HDAC9: variants seen among roughly 807,000 people sequenced by gnomAD.
The protein encoded by HDAC9 is histone deacetylase 9.
In HDAC9, 41 loss-of-function variants were observed where a neutral mutation model predicts 139.4. The ratio of observed to expected loss-of-function variants is 0.29; its 90% CI spans 0.23 to 0.38. The LOEUF (loss-of-function observed/expected upper bound fraction) is 0.38. HDAC9 is among the 10% of genes least tolerant of loss of function. The probability of loss-of-function intolerance (pLI) is 1.00; values close to 1 mark genes in which losing one functional copy is unlikely to be tolerated. For synonymous variants in HDAC9, 517 were observed against 476.2 expected, an observed-to-expected ratio of 1.09 and a Z score of -1.12; for missense variants, 1,147 against 1,297.0, an observed-to-expected ratio of 0.88 and a Z score of 1.78.
intron 2 of HDAC9, among the ~76,000 whole-genome samples, chr7:18,567,803 A>G (rs1225685230): frequency 1.3e-5 from 2 of 151,978 alleles, no homozygotes; most frequent in Non-Finnish European, 2.9e-5. Context: ...TTGTAGTATT[A>G]TTATTGCAGC....
intron 22 of HDAC9, among the ~76,000 whole-genome samples, chr7:18,917,031 G>A (rs1028404634): frequency 3.9e-5 from 6 of 151,948 alleles, no homozygotes; most frequent in Non-Finnish European, 8.8e-5. Flanking sequence ...AGAGTATATT[G>A]TGCCCAATCA....
At chr7:18,478,395 TTTATGC>T (rs1292048281) in intron 1 of HDAC9, among the ~76,000 whole-genome samples, 1 of 152,178 alleles carries the variant, frequency 6.6e-6, no homozygotes, top group Non-Finnish European at 1.5e-5. Flanking sequence ...TTAAGTGCAG[TTTATGC>T]ATTTTCTAAT....
chr7:18,855,939 T>A (rs188899053), intron 21 of HDAC9, among the ~76,000 whole-genome samples: 54 of 152,224 alleles, frequency 3.5e-4, no homozygotes, highest in Admixed American at 3.1e-3. Flanking sequence ...ATTGTAAGCA[T>A]TACAGCCTTT....
intron 2 of HDAC9, among the ~76,000 whole-genome samples, chr7:18,206,312 TCTG>T (rs1791507488): frequency 6.6e-6 from 1 of 152,206 alleles, no homozygotes; most frequent in African/African-American, 2.4e-5. Context: ...TTTCTGGAAT[TCTG>T]CTCATATTAG....
Position 18,298,039 on chromosome 7 carries a change from A to C in HDAC9, c.-42+7524A>C, listed in dbSNP as rs114695877. Among the ~76,000 whole-genome samples, 978 of 152,224 alleles carry C rather than the reference A, an allele frequency of 6.4e-3. 12 individuals carry two copies. Among genetic ancestry groups the C allele is most frequent in the African/African-American group, 0.022 (919 of 41,534 alleles). On this transcript the variant is annotated intron_variant, in intron 1 of 3. Transcript: ENST00000413509. Reference sequence around the variant, plus strand: ...GCTACTTACTAATGCTAATGTGTCAAGTCTGTATTATTTCCAGTAATTCAC... The same window carrying C: ...GCTACTTACTAATGCTAATGTGTCACGTCTGTATTATTTCCAGTAATTCAC...
chr7:18,391,201 A>G (rs1489201689), intron 1 of HDAC9, among the ~76,000 whole-genome samples: 3 of 151,894 alleles, frequency 2.0e-5, no homozygotes, highest in Admixed American at 6.6e-5. Context: ...CCTGGCCAAC[A>G]TGGTGAAACC....
chr7:18,129,019 G>A (rs1462644836), intron 1 of HDAC9, among the ~76,000 whole-genome samples: 1 of 152,000 alleles, frequency 6.6e-6, no homozygotes, highest in South Asian at 2.1e-4. Flanking sequence ...GTGCTTTTTC[G>A]CAAGAGAGAG....
At chr7:18,703,961 C>G (rs1783692991) in intron 12 of HDAC9, among the ~76,000 whole-genome samples, 1 of 152,182 alleles carries the variant, frequency 6.6e-6, no homozygotes, top group African/African-American at 2.4e-5. Context: ...AAGCCCTGAC[C>G]TTGTCCTGCC....
intron 11 of HDAC9, among the ~76,000 whole-genome samples, chr7:18,660,051 A>T (rs1362519505): frequency 6.6e-6 from 1 of 152,182 alleles, no homozygotes; most frequent in African/African-American, 2.4e-5. Context: ...TAGAAAACAA[A>T]TTCCAAATAC....
chr7:18,475,281 G>A (rs557722010), intron 1 of HDAC9, among the ~76,000 whole-genome samples: 1 of 152,246 alleles, frequency 6.6e-6, no homozygotes, highest in South Asian at 2.1e-4. Flanking sequence ...CAAATATTCT[G>A]TTTCTTGAAC....
chr7:18,150,048 A>G (rs1382872898), intron 1 of HDAC9, among the ~76,000 whole-genome samples: 1 of 145,586 alleles, frequency 6.9e-6, no homozygotes, highest in Non-Finnish European at 1.5e-5. Context: ...TATTTTTCCT[A>G]GTGTGATTTG....
chr7:18,835,821 TG>T, intron 20 of HDAC9, 78 bp from the exon 21 acceptor site: 4 of 1,047,218 alleles, frequency 3.8e-6, no homozygotes, highest in Non-Finnish European at 5.7e-6. Flanking sequence ...AGAGCTCCCA[TG>T]TGCTTGTTTT....
chr7:18,295,611 G>T (rs539575952), intron 1 of HDAC9, among the ~76,000 whole-genome samples: 2 of 152,042 alleles, frequency 1.3e-5, no homozygotes, highest in Non-Finnish European at 2.9e-5. Context: ...AACTATGCTG[G>T]TCTAAACTTA....
intron 24 of HDAC9, among the ~76,000 whole-genome samples, chr7:18,972,872 A>G (rs1057305515): frequency 6.6e-6 from 1 of 152,238 alleles, no homozygotes; most frequent in Non-Finnish European, 1.5e-5. Flanking sequence ...ATGTGTGTCA[A>G]CTGAATCACA....
intron 13 of HDAC9, among the ~76,000 whole-genome samples, chr7:18,741,178 C>T (rs532361725): frequency 5.9e-5 from 9 of 152,246 alleles, no homozygotes; most frequent in Non-Finnish European, 1.0e-4. Flanking sequence ...CAACAAATTT[C>T]GTTGTAGATG....
chr7:18,525,148 T>C (rs932411148), intron 2 of HDAC9, among the ~76,000 whole-genome samples: 5 of 152,124 alleles, frequency 3.3e-5, no homozygotes, highest in Non-Finnish European at 7.4e-5. Context: ...ATGTGTTTCC[T>C]CAGTTGCTTT....
At chr7:18,406,423 C>A (rs537969673) in intron 1 of HDAC9, among the ~76,000 whole-genome samples, 15 of 151,436 alleles carry the variant, frequency 9.9e-5, no homozygotes, top group African/African-American at 3.6e-4. Flanking sequence ...GATGGAGTCT[C>A]GCTCTGTCGC....
chr7:18,884,171 A>G (rs910987588), intron 22 of HDAC9, among the ~76,000 whole-genome samples: 3 of 152,158 alleles, frequency 2.0e-5, no homozygotes, highest in Non-Finnish European at 4.4e-5. Flanking sequence ...TCCCAATGAC[A>G]TTTTTCACAG....
At chr7:18,855,899 T>A (rs1797639629) in intron 21 of HDAC9, among the ~76,000 whole-genome samples, 1 of 152,128 alleles carries the variant, frequency 6.6e-6, no homozygotes, top group African/African-American at 2.4e-5. Context: ...CTTCCTTGAC[T>A]TCATGCAGAG....
Sources: gnomAD v4.1 joint callset for allele counts (sites outside exome capture counted in the v4.1 genomes callset) on GRCh38, gnomAD v4.1.1 for gene constraint, MANE v1.5 for transcripts, NCBI Gene and HGNC (gene_info 2026-07-23, HGNC 2026-07-21) for gene names.